Variants in TRPC5 observed in about 807,000 individuals in gnomAD.
TRPC5 encodes short transient receptor potential channel 5.
Under a neutral mutation model 56.5 loss-of-function variants are expected in TRPC5, and 9 were observed. The ratio of observed to expected loss-of-function variants is 0.16; its 90% CI spans 0.10 to 0.28. The LOEUF (loss-of-function observed/expected upper bound fraction) is 0.28, where lower values mean the gene tolerates loss of function less well. Among genes scored for constraint, TRPC5 ranks in the 10% least tolerant of loss-of-function variants. The pLI is 1.00. For synonymous variants in TRPC5, 282 were observed against 278.5 expected (o/e 1.01, Z -0.13); for missense variants, 469 against 748.9 (o/e 0.63, Z 4.36).
chrX:111,940,188 A>G (rs931203730), intron 2 of TRPC5, among the ~76,000 whole-genome samples: 4 of 111,208 alleles, frequency 3.6e-5, no homozygotes, highest in African/African-American at 1.3e-4. Context: ...TCAGGAGCAT[A>G]TTGTTTACTT....
intron 3 of TRPC5, among the ~76,000 whole-genome samples, chrX:111,909,113 G>A (rs1020838536): frequency 7.0e-5 from 7 of 100,276 alleles, no homozygotes; most frequent in Non-Finnish European, 1.4e-4. Flanking sequence ...GCGAAACCCC[G>A]TCTCTACTAA....
chrX:112,035,250 T>C (rs964162388), intron 1 of TRPC5, among the ~76,000 whole-genome samples: 2 of 110,931 alleles, frequency 1.8e-5, no homozygotes, highest in Non-Finnish European at 3.8e-5. Flanking sequence ...TTGAATATTA[T>C]AAGGTGGCTA....
chrX:111,972,500 C>T (rs1927811416), intron 1 of TRPC5, among the ~76,000 whole-genome samples: 2 of 111,943 alleles, frequency 1.8e-5, no homozygotes, highest in African/African-American at 3.2e-5. Flanking sequence ...GAGAGCGATA[C>T]AAAATTTTTA....
chrX:111,883,609 G>A (rs1438732919), intron 3 of TRPC5, among the ~76,000 whole-genome samples: 1 of 112,159 alleles, frequency 8.9e-6, no homozygotes, highest in Non-Finnish European at 1.9e-5. Flanking sequence ...TTTTGATAAA[G>A]TATAGCCAAG....
chrX:111,878,385 C>G (rs1247836258), intron 3 of TRPC5, among the ~76,000 whole-genome samples: 1 of 111,302 alleles, frequency 9.0e-6, no homozygotes, highest in Non-Finnish European at 1.9e-5. Flanking sequence ...TGGCTGATCT[C>G]CCTGTTAGAC....
chrX:111,922,923 T>C (rs1218517655), intron 2 of TRPC5, among the ~76,000 whole-genome samples: 1 of 112,060 alleles, frequency 8.9e-6, no homozygotes, highest in Non-Finnish European at 1.9e-5. Context: ...GCACTTTCCA[T>C]ATGCCAGGCA....
At chrX:111,837,663 C>T (rs1411676270) in intron 6 of TRPC5, among the ~76,000 whole-genome samples, 2 of 111,203 alleles carry the variant, frequency 1.8e-5, no homozygotes, top group Admixed American at 9.6e-5. Context: ...TTACCTTCAC[C>T]TCTACCCCTA....
Position 111,860,913 on chromosome X carries a change from G to A in TRPC5, c.901-6807C>T, listed in dbSNP as rs1923386502. Among the ~76,000 whole-genome samples, 3 of 112,038 alleles carry A rather than the reference G, an allele frequency of 2.7e-5. 1 individual carries two copies. The Admixed American group carries it at 2.8e-4, about 11-fold the overall frequency. On this transcript the variant is annotated intron_variant, in intron 3 of 10. Coordinates refer to ENST00000262839, the MANE Select transcript of TRPC5 (RefSeq NM_012471.3). ...CCTTGAAAGTAAAGTTTGATTTTGAGAAGGCTGTTAAATATGTTTAAAATT... is the reference window on the plus strand; with the variant it reads ...CCTTGAAAGTAAAGTTTGATTTTGAAAAGGCTGTTAAATATGTTTAAAATT...
intron 2 of TRPC5, among the ~76,000 whole-genome samples, chrX:111,936,865 T>C (rs1350980456): frequency 1.0e-5 from 1 of 99,219 alleles, no homozygotes; most frequent in Admixed American, 1.1e-4. Context: ...TACCCAGTAA[T>C]GGGATGGCTG....
At chrX:111,840,169 CAAACAAAAACAA>C (rs971149787) in intron 6 of TRPC5, among the ~76,000 whole-genome samples, 3 of 111,722 alleles carry the variant, frequency 2.7e-5, no homozygotes, top group Non-Finnish European at 3.8e-5. Context: ...GACTCCGTCT[CAAACAAAAACAA>C]AAACAAAAAC....
At chrX:111,980,892 A>G (rs1246216086) in intron 1 of TRPC5, among the ~76,000 whole-genome samples, 2 of 100,406 alleles carry the variant, frequency 2.0e-5, no homozygotes, top group Non-Finnish European at 4.0e-5. Context: ...TGACTAATAT[A>G]TATATATATT....
intron 7 of TRPC5, among the ~76,000 whole-genome samples, chrX:111,813,426 G>T (rs1234723426): frequency 1.8e-5 from 2 of 111,998 alleles, no homozygotes; most frequent in Non-Finnish European, 3.8e-5. Flanking sequence ...GATTTGTCCA[G>T]ATTCTGAGCA....
intron 1 of TRPC5, among the ~76,000 whole-genome samples, chrX:112,046,149 G>A (rs760641242): frequency 9.3e-5 from 10 of 107,276 alleles, no homozygotes; most frequent in African/African-American, 3.4e-4. Context: ...AAGAAAACTA[G>A]ATGCATCATA....
At chrX:111,975,866 T>A (rs182058970) in intron 1 of TRPC5, among the ~76,000 whole-genome samples, 22 of 111,972 alleles carry the variant, frequency 2.0e-4, no homozygotes, top group African/African-American at 6.8e-4. Context: ...ATTGCACCAC[T>A]GCACTCCAGC....
intron 7 of TRPC5, among the ~76,000 whole-genome samples, chrX:111,810,160 G>A (rs371364012): frequency 9.9e-5 from 11 of 110,995 alleles, no homozygotes; most frequent in African/African-American, 2.3e-4. Context: ...TGATCCGCCC[G>A]CCTCGACCTC....
intron 2 of TRPC5, among the ~76,000 whole-genome samples, chrX:111,934,197 G>A (rs1006375910): frequency 1.7e-4 from 18 of 107,620 alleles, no homozygotes; most frequent in African/African-American, 6.0e-4. Flanking sequence ...ATTCTTTCCC[G>A]AACCAGTGCC....
intron 1 of TRPC5, among the ~76,000 whole-genome samples, chrX:112,073,148 T>C (rs1236219328): frequency 8.9e-6 from 1 of 112,353 alleles, no homozygotes; most frequent in Non-Finnish European, 1.9e-5. Flanking sequence ...TCATTCTTCC[T>C]GTGGCTCTTC....
At chrX:111,923,501 T>C (rs756025022) in intron 2 of TRPC5, among the ~76,000 whole-genome samples, 17 of 112,137 alleles carry the variant, frequency 1.5e-4, no homozygotes, top group Non-Finnish European at 5.6e-5. Flanking sequence ...TTTGTCACAG[T>C]TTAATGAAGC....
At chrX:111,884,512 A>G (rs762163034) in intron 3 of TRPC5, among the ~76,000 whole-genome samples, 9 of 113,050 alleles carry the variant, frequency 8.0e-5, no homozygotes, top group Middle Eastern at 4.7e-3. Context: ...CATCCTAGTT[A>G]AGGCCTAACC....
Sources: gnomAD v4.1 joint callset for allele counts (sites outside exome capture counted in the v4.1 genomes callset) on GRCh38, gnomAD v4.1.1 for gene constraint, MANE v1.5 for transcripts, NCBI Gene and HGNC (gene_info 2026-07-23, HGNC 2026-07-21) for gene names.